Variants in SEPTIN14 observed in about 807,000 individuals in gnomAD.
SEPTIN14 encodes the protein septin-14.
In SEPTIN14, 40 loss-of-function variants were observed where a neutral mutation model predicts 53.6. That is an observed-to-expected ratio of 0.75 (90% confidence interval 0.58 to 0.97). The LOEUF (loss-of-function observed/expected upper bound fraction) is 0.97, where lower values mean the gene tolerates loss of function less well. Among genes scored for constraint, SEPTIN14 ranks in the 50% least tolerant of loss-of-function variants. The pLI is 0.00. For missense variants in SEPTIN14, 471 were observed against 508.2 expected (o/e 0.93, Z 0.70); for synonymous variants, 138 against 166.8 (o/e 0.83, Z 1.33).
intron 2 of SEPTIN14, among the ~76,000 whole-genome samples, chr7:55,849,844 T>A (rs1285020286): frequency 6.6e-6 from 1 of 152,112 alleles, no homozygotes; most frequent in East Asian, 1.9e-4. Context: ...ATAACAAAAT[T>A]AGACTACTGT....
chr7:55,840,561 G>A (rs1789291815), intron 5 of SEPTIN14, among the ~76,000 whole-genome samples: 2 of 151,990 alleles, frequency 1.3e-5, no homozygotes, highest in African/African-American at 2.4e-5. Flanking sequence ...CAGAGATAAG[G>A]TGGTCATCTG....
At chr7:55,804,956 G>C (rs1788589297) in intron 9 of SEPTIN14, among the ~76,000 whole-genome samples, 1 of 152,044 alleles carries the variant, frequency 6.6e-6, no homozygotes, top group African/African-American at 2.4e-5. Flanking sequence ...TCTTCTCAGA[G>C]TAAATAGCTT....
At chr7:55,804,541 G>T (rs1267546625) in intron 9 of SEPTIN14, among the ~76,000 whole-genome samples, 1 of 152,102 alleles carries the variant, frequency 6.6e-6, no homozygotes, top group African/African-American at 2.4e-5. Flanking sequence ...TTATAGGTGT[G>T]AGCCACCGCA....
At chr7:55,833,229 C>G (rs1020695190) in intron 6 of SEPTIN14, among the ~76,000 whole-genome samples, 1 of 151,816 alleles carries the variant, frequency 6.6e-6, no homozygotes, top group East Asian at 1.9e-4. Context: ...GGAGGAGAAT[C>G]ACTTGAACCT....
chr7:55,796,099 A>G lies in SEPTIN14; in HGVS notation c.1120-7T>C. The G allele has an allele frequency of 6.7e-7, 1 of 1,481,892 alleles. No homozygotes were observed. The highest frequency in any genetic ancestry group is 9.3e-7 in the Non-Finnish European group (1 of 1,076,252). The allele number at this position is 1,481,892 out of a possible 1,614,324, so 91.8% of individuals were successfully genotyped here. A position where few individuals can be genotyped will look rare whatever the true frequency, so the allele number is the denominator to read the frequency against. ...GCTCGAACTTGTCCTGCAGCTGTGA[A>G]ACCAATGTGCAGTTGTGACACCAAA... On this transcript the variant is annotated splice_region_variant and splice_polypyrimidine_tract_variant and intron_variant, in intron 9 of 9. Coordinates refer to ENST00000388975, the MANE Select transcript of SEPTIN14 (RefSeq NM_207366.3).
rs574292261 is a variant in SEPTIN14 at position 55,822,234 on chromosome 7, C to T, written c.721-3011G>A. ...GGTTCTAGATGAGAAAAAGATAAAA[C>T]TCTATTGAAAAAATCAGGGACTATC... On this transcript the variant is annotated intron_variant, in intron 6 of 9. Transcript: ENST00000388975. 2.0e-5 allele frequency among the ~76,000 whole-genome samples: 3 copies of T among 152,204 alleles called. No individual in the cohort carries two copies. In the South Asian group the frequency reaches 6.2e-4, roughly 32 times the overall value.
chr7:55,805,572 T>C (rs1189102250), intron 8 of SEPTIN14, among the ~76,000 whole-genome samples, 182 bp from the exon 9 acceptor site: 1 of 152,088 alleles, frequency 6.6e-6, no homozygotes, highest in Non-Finnish European at 1.5e-5. Context: ...AGTATAAACA[T>C]GTAAAAAATA....
At chr7:55,846,731 T>A (rs1028667979) in intron 2 of SEPTIN14, 94 bp from the exon 3 acceptor site, 3 of 634,898 alleles carry the variant, frequency 4.7e-6, no homozygotes, top group South Asian at 4.4e-5. Context: ...TAAATTAGAA[T>A]TGATTATCAT....
chr7:55,828,129 T>C (rs887902103), intron 6 of SEPTIN14, among the ~76,000 whole-genome samples: 5 of 151,660 alleles, frequency 3.3e-5, no homozygotes, highest in Non-Finnish European at 7.4e-5. Flanking sequence ...GATAATGAAT[T>C]CAAAATATGG....
At chr7:55,828,234 A>T (rs1562712560) in intron 6 of SEPTIN14, among the ~76,000 whole-genome samples, 1 of 149,182 alleles carries the variant, frequency 6.7e-6, no homozygotes, top group African/African-American at 2.5e-5. Context: ...CAGATATCTT[A>T]AAAAAAAAAC....
intron 6 of SEPTIN14, among the ~76,000 whole-genome samples, chr7:55,833,529 G>A (rs1789149299): frequency 1.3e-5 from 2 of 151,926 alleles, no homozygotes; most frequent in South Asian, 2.1e-4. Context: ...CCAACATGGT[G>A]AAACCCTGTC....
At chr7:55,809,282 G>A (rs1788657795) in intron 7 of SEPTIN14, among the ~76,000 whole-genome samples, 1 of 149,186 alleles carries the variant, frequency 6.7e-6, no homozygotes, top group African/African-American at 2.5e-5. Flanking sequence ...TGGGAGGAGA[G>A]TGAGGACAGA....
intron 2 of SEPTIN14, among the ~76,000 whole-genome samples, chr7:55,852,440 GAA>G (rs1246827604): frequency 2.0e-5 from 3 of 152,154 alleles, no homozygotes. Context: ...AGTGGGGAAA[GAA>G]GAGTCTCTTC....
intron 7 of SEPTIN14, among the ~76,000 whole-genome samples, chr7:55,807,731 G>A (rs1005075808): frequency 9.2e-5 from 14 of 152,070 alleles, no homozygotes; most frequent in African/African-American, 2.9e-4. Context: ...AGGAGACACC[G>A]TTAGTCAATA....
At chr7:55,850,707 T>G (rs1789501810) in intron 2 of SEPTIN14, 1 of 152,170 alleles carries the variant, frequency 6.6e-6, no homozygotes, top group Admixed American at 6.6e-5. Flanking sequence ...TCCCTATTTT[T>G]ATGATTTTTA....
intron 6 of SEPTIN14, among the ~76,000 whole-genome samples, chr7:55,830,372 A>G (rs1231168750): frequency 5.5e-5 from 5 of 91,092 alleles, no homozygotes; most frequent in African/African-American, 1.9e-4. Context: ...TTTGAGACGG[A>G]GTCTCGCTCT....
chr7:55,822,484 A>G (rs565522949), intron 6 of SEPTIN14, among the ~76,000 whole-genome samples: 1 of 151,888 alleles, frequency 6.6e-6, no homozygotes, highest in Non-Finnish European at 1.5e-5. Flanking sequence ...AAGACATACT[A>G]TTCAACCTCA....
chr7:55,807,094 C>G lies in SEPTIN14; in HGVS notation c.982G>C (p.Val328Leu), dbSNP rs770288564. ...GCTAGCAATATTTTTACTCACCTAA[C>G]TGGCTGGTTGTTTGGACCCACATCT... is the stretch of plus-strand genomic sequence containing the variant. The part of the protein sequence containing the change: ...FTDVGPNNQP[V>L]SFQEIFEAKR... Residue 328 changes from valine to leucine, a missense_variant, in exon 8 of 10, where the codon GTT becomes CTT. Physicochemically the swap from Val to Leu is conservative, Grantham distance 32. Coordinates refer to ENST00000388975, the MANE Select transcript of SEPTIN14 (RefSeq NM_207366.3). The G allele has an allele frequency of 3.8e-6, 6 of 1,584,992 alleles. No individual in the cohort carries two copies. The African/African-American group carries it at 8.2e-5, about 22-fold the overall frequency.
chr7:55,815,890 C>T (rs533359552), intron 7 of SEPTIN14, among the ~76,000 whole-genome samples: 59 of 152,276 alleles, frequency 3.9e-4, no homozygotes, highest in African/African-American at 1.3e-3. Context: ...AAAGAGATAG[C>T]TCCACTCCCA....
Sources: gnomAD v4.1 joint callset for allele counts (sites outside exome capture counted in the v4.1 genomes callset) on GRCh38, gnomAD v4.1.1 for gene constraint, MANE v1.5 for transcripts, NCBI Gene and HGNC (gene_info 2026-07-23, HGNC 2026-07-21) for gene names.